ASCC3: variants seen among roughly 807,000 people sequenced by gnomAD.
The protein encoded by ASCC3 is activating signal cointegrator 1 complex subunit 3.
Under a neutral mutation model 256.3 loss-of-function variants are expected in ASCC3, and 158 were observed. The observed-to-expected ratio is 0.62, with a 90% confidence interval of 0.54 to 0.70. ASCC3 has a LOEUF of 0.70. Among genes scored for constraint, ASCC3 ranks in the 30% least tolerant of loss-of-function variants. The pLI is 0.00. For synonymous variants in ASCC3, 948 were observed against 883.4 expected (o/e 1.07, Z -1.30); for missense variants, 2,259 against 2,626.0 (o/e 0.86, Z 3.05).
chr6:100,580,463 A>G (rs186130411), intron 36 of ASCC3, among the ~76,000 whole-genome samples: 71 of 151,916 alleles, frequency 4.7e-4, no homozygotes, highest in African/African-American at 1.7e-3. Context: ...GTAAAAGTGA[A>G]TAGATGTTTT....
intron 20 of ASCC3, among the ~76,000 whole-genome samples, chr6:100,647,804 G>A (rs1177707195): frequency 9.9e-5 from 15 of 151,896 alleles, no homozygotes; most frequent in Non-Finnish European, 1.6e-4. Context: ...GACGCCTCTT[G>A]GTGAATAGTG....
intron 30 of ASCC3, among the ~76,000 whole-genome samples, chr6:100,614,434 T>C (rs1470429384): frequency 6.6e-6 from 1 of 152,210 alleles, no homozygotes; most frequent in East Asian, 1.9e-4. Flanking sequence ...TTAATATTTA[T>C]TAAACATTTA....
At chr6:100,540,754 T>C (rs1775417076) in intron 36 of ASCC3, among the ~76,000 whole-genome samples, 1 of 152,190 alleles carries the variant, frequency 6.6e-6, no homozygotes, top group South Asian at 2.1e-4. Flanking sequence ...TACAGAGTGT[T>C]GAATGGCAAT....
intron 37 of ASCC3, chr6:100,530,195 T>A (rs1774798109): frequency 2.9e-6 from 2 of 678,058 alleles, no homozygotes; most frequent in Non-Finnish European, 2.7e-6. Flanking sequence ...ATTAACATCA[T>A]TTTTCTTGTA....
chr6:100,818,394 C>T (rs2114411546), intron 4 of ASCC3, among the ~76,000 whole-genome samples: 1 of 151,802 alleles, frequency 6.6e-6, no homozygotes, highest in East Asian at 1.9e-4. Context: ...TGGTGAAACC[C>T]CACCTCTACT....
chr6:100,811,553 C>A (rs1770469428), intron 4 of ASCC3, among the ~76,000 whole-genome samples: 1 of 151,866 alleles, frequency 6.6e-6, no homozygotes, highest in Non-Finnish European at 1.5e-5. Context: ...TACAAATAGT[C>A]CTTACATATA....
chr6:100,535,586 AG>A (rs1775121472), intron 37 of ASCC3, among the ~76,000 whole-genome samples: 1 of 147,682 alleles, frequency 6.8e-6, no homozygotes, highest in African/African-American at 2.5e-5. Flanking sequence ...TCTCGGCCTC[AG>A]CCTCCCGAGT....
At chr6:100,722,665 CAT>C (rs1562250104) in intron 11 of ASCC3, among the ~76,000 whole-genome samples, 1 of 151,672 alleles carries the variant, frequency 6.6e-6, no homozygotes, top group Non-Finnish European at 1.5e-5. Flanking sequence ...TGAATAAAAA[CAT>C]AAATATACTG....
At chr6:100,615,393 T>G (rs1194005937) in intron 30 of ASCC3, among the ~76,000 whole-genome samples, 1 of 152,100 alleles carries the variant, frequency 6.6e-6, no homozygotes, top group Non-Finnish European at 1.5e-5. Context: ...AATTACTGTA[T>G]GGCAGATTAA....
chr6:100,737,149 TAA>T (rs10706135), intron 10 of ASCC3, among the ~76,000 whole-genome samples: 24 of 142,810 alleles, frequency 1.7e-4, no homozygotes, highest in Middle Eastern at 3.5e-3. Context: ...TCCGTCTATT[TAA>T]AAAAAAAAAG....
chr6:100,746,972 A>G (rs1780707919), intron 10 of ASCC3, among the ~76,000 whole-genome samples: 1 of 152,080 alleles, frequency 6.6e-6, no homozygotes, highest in African/African-American at 2.4e-5. Context: ...CAAAAGGCAA[A>G]CCTACTAGTT....
rs1370137610 is a variant in ASCC3, at chr6:100,586,571, G to A, written c.5550+3063C>T. ...AATGCCTCGCCCTGCTTTGGCTCAC[G>A]CACGGTGTGCTGCACCCACTGACCT... On this transcript the variant is annotated intron_variant, in intron 36 of 41. Coordinates refer to ENST00000369162, the MANE Select transcript of ASCC3 (RefSeq NM_006828.4). 2.6e-5 allele frequency among the ~76,000 whole-genome samples: 4 copies of A among 152,190 alleles called. No homozygotes were observed. In the East Asian group the frequency reaches 5.8e-4, roughly 22 times the overall value.
intron 16 of ASCC3, among the ~76,000 whole-genome samples, chr6:100,660,724 A>G (rs1205383790): frequency 6.6e-6 from 1 of 151,558 alleles, no homozygotes; most frequent in Non-Finnish European, 1.5e-5. Context: ...AAAAGTCCCA[A>G]TTTTCTCATA....
intron 14 of ASCC3, among the ~76,000 whole-genome samples, chr6:100,673,811 A>G (rs1198804219): frequency 6.6e-6 from 1 of 152,170 alleles, no homozygotes; most frequent in African/African-American, 2.4e-5. Flanking sequence ...TAGGCATGGA[A>G]TTTAAAGTCT....
chr6:100,739,010 T>A (rs1302131056), intron 10 of ASCC3, among the ~76,000 whole-genome samples: 3 of 152,214 alleles, frequency 2.0e-5, no homozygotes, highest in African/African-American at 7.2e-5. Flanking sequence ...GGCATCCTTG[T>A]CTTGTGCTGG....
chr6:100,558,326 G>A (rs779236025), intron 36 of ASCC3, among the ~76,000 whole-genome samples: 1 of 151,990 alleles, frequency 6.6e-6, no homozygotes, highest in Non-Finnish European at 1.5e-5. Flanking sequence ...GCTTTGATTA[G>A]GAAGAAATGG....
intron 13 of ASCC3, among the ~76,000 whole-genome samples, chr6:100,711,469 G>A (rs1778848839): frequency 6.6e-6 from 1 of 152,180 alleles, no homozygotes; most frequent in Non-Finnish European, 1.5e-5. Flanking sequence ...GCTCACGCCT[G>A]TAATCCCAGC....
intron 14 of ASCC3, among the ~76,000 whole-genome samples, chr6:100,665,832 T>C (rs1196776094): frequency 6.6e-6 from 1 of 152,076 alleles, no homozygotes; most frequent in African/African-American, 2.4e-5. Flanking sequence ...AAAATCATCA[T>C]AAAGCAAAAC....
rs749519815 is a variant in ASCC3 at position 100,767,255 on chromosome 6, G to A, written c.1486C>T (p.Leu496=). 28 of 1,613,908 alleles carry A rather than the reference G, an allele frequency of 1.7e-5. No individual in the cohort carries two copies. The highest frequency in any genetic ancestry group is 2.3e-5 in the Non-Finnish European group (27 of 1,180,004). The change falls in exon 9 of 42, where the codon CTG becomes TTG. Residue 496 remains leucine (L), a synonymous_variant. Coordinates refer to ENST00000369162, the MANE Select transcript of ASCC3 (RefSeq NM_006828.4). The part of the protein sequence containing the change: ...ETAYNTNENM[L]ICAPTGAGKT... ...CCAGCTCCTGTAGGGGCACAAATCA[G>A]CATGTTCTCATTGGTGTTGTAGGCA...
Sources: gnomAD v4.1 joint callset for allele counts (sites outside exome capture counted in the v4.1 genomes callset) on GRCh38, gnomAD v4.1.1 for gene constraint, MANE v1.5 for transcripts, NCBI Gene and HGNC (gene_info 2026-07-23, HGNC 2026-07-21) for gene names.